KIAA0232: variants seen among roughly 807,000 people sequenced by gnomAD.
KIAA0232 encodes KIAA0232.
A neutral mutation model predicts 122.0 loss-of-function variants in KIAA0232; 27 were observed. The observed-to-expected ratio is 0.22, with a 90% CI of 0.16 to 0.31. The LOEUF is 0.31. Among genes scored for constraint, KIAA0232 ranks in the 10% least tolerant of loss-of-function variants. KIAA0232 has a pLI of 1.00. For synonymous variants in KIAA0232, 613 were observed against 587.6 expected (o/e 1.04, Z -0.63); for missense variants, 1,551 against 1,634.2 (o/e 0.95, Z 0.88).
At chr4:6,805,453 C>T (rs1326925053) in intron 2 of KIAA0232, among the ~76,000 whole-genome samples, 1 of 152,064 alleles carries the variant, frequency 6.6e-6, no homozygotes, top group Non-Finnish European at 1.5e-5. Context: ...TTGCTTCTTA[C>T]CTAAGTCCGT....
chr4:6,786,218 G>C (rs1205971937), intron 1 of KIAA0232, among the ~76,000 whole-genome samples: 1 of 152,170 alleles, frequency 6.6e-6, no homozygotes, highest in African/African-American at 2.4e-5. Context: ...TAAAGTCAAA[G>C]TCTGTAATCA....
intron 2 of KIAA0232, among the ~76,000 whole-genome samples, chr4:6,818,806 G>A (rs1395388038): frequency 2.0e-5 from 3 of 151,866 alleles, no homozygotes; most frequent in Admixed American, 1.3e-4. Context: ...TAGTGGTTTC[G>A]TGTTACCTGA....
Position 6,871,645 on chromosome 4 carries a change from C to T in KIAA0232, c.3873C>T (p.Ala1291=). Residue 1291 remains alanine (A), a synonymous_variant, in exon 8 of 10, where the codon GCC becomes GCT. Coordinates refer to ENST00000307659, the MANE Select transcript of KIAA0232 (RefSeq NM_014743.3). The stretch of plus-strand genomic sequence containing the variant: ...AAAAACAGACCTGGTGGGAAAAAGC[C>T]TTGTACTCTCCTCTTTTTCCTGCAT... The part of the protein sequence containing the change: ...SQEKQTWWEK[A]LYSPLFPASE... 1 of 1,611,622 alleles carries T rather than the reference C, an allele frequency of 6.2e-7. No individual in the cohort carries two copies. Among genetic ancestry groups the T allele is most frequent in the Non-Finnish European group, 8.5e-7 (1 of 1,177,772 alleles).
chr4:6,839,582 G>T (rs948056550), intron 3 of KIAA0232, among the ~76,000 whole-genome samples: 1 of 152,206 alleles, frequency 6.6e-6, no homozygotes, highest in Middle Eastern at 3.2e-3. Flanking sequence ...GGAATAGTGT[G>T]TATAAAGGAA....
At position 6,882,034 on chromosome 4, in the gene KIAA0232, G is replaced by A. The variant is rs926071417; in HGVS notation, c.*1068G>A. On this transcript the variant is annotated 3_prime_UTR_variant, in exon 10 of 10. Transcript: ENST00000307659. ...TCATGAGTTTTCCACATCCCTGTGT[G>A]GTGGTTTTGCTGACTGTCGCTCCGT... 6.6e-6 allele frequency: 1 copy of A among 152,600 alleles called. No homozygotes were observed. Among genetic ancestry groups the A allele is most frequent in the African/African-American group, 2.4e-5 (1 of 41,412 alleles). The allele number at this position is 152,600 out of a possible 1,614,324, so 9.5% of individuals were successfully genotyped here.
chr4:6,799,541 T>C (rs1355060144), intron 1 of KIAA0232, among the ~76,000 whole-genome samples: 2 of 152,036 alleles, frequency 1.3e-5, no homozygotes, highest in Non-Finnish European at 2.9e-5. Flanking sequence ...AAAATTCACG[T>C]CTACTAGAAA....
At chr4:6,871,790 T>G in intron 8 of KIAA0232, 108 bp downstream of exon 8, 8 of 713,414 alleles carry the variant, frequency 1.1e-5, no homozygotes. Flanking sequence ...ACCAAGAGGT[T>G]TCTGTGTGGG....
rs140075612 is a variant in KIAA0232, at chr4:6,819,102, G to A, written c.-269-5083G>A. Among the ~76,000 whole-genome samples the A allele has an allele frequency of 2.0e-5, 3 of 152,192 alleles. No homozygotes were observed. The East Asian group carries it at 5.8e-4, about 29-fold the overall frequency. On this transcript the variant is annotated intron_variant, in intron 2 of 9. Coordinates refer to ENST00000307659, the MANE Select transcript of KIAA0232 (RefSeq NM_014743.3). ...CAACATGGATTATAGATACTTAAATGTAAGACCTCAAACTATAAAAACCCT... is the reference window on the plus strand; with the variant it reads ...CAACATGGATTATAGATACTTAAATATAAGACCTCAAACTATAAAAACCCT...
chr4:6,808,521 A>G (rs1717738291), intron 2 of KIAA0232, among the ~76,000 whole-genome samples: 2 of 149,900 alleles, frequency 1.3e-5, no homozygotes, highest in African/African-American at 2.5e-5. Context: ...GAAGAGTACA[A>G]GTTGCTTTAC....
In KIAA0232 at chr4:6,820,679, T is replaced by C. The variant is rs1718381825; in HGVS notation, c.-269-3506T>C. Reference sequence around the variant, plus strand: ...GCTCTACAATGTTTTGTATTATTTTTGTTTAAGCAATTGTCTTTTAAAGAT... The same window carrying C: ...GCTCTACAATGTTTTGTATTATTTTCGTTTAAGCAATTGTCTTTTAAAGAT... On this transcript the variant is annotated intron_variant, in intron 2 of 9. Coordinates refer to ENST00000307659, the MANE Select transcript of KIAA0232 (RefSeq NM_014743.3). Among the ~76,000 whole-genome samples the C allele has an allele frequency of 1.2e-4, 19 of 152,378 alleles. 1 individual carries two copies. The South Asian group carries it at 3.7e-3, about 30-fold the overall frequency.
intron 1 of KIAA0232, among the ~76,000 whole-genome samples, chr4:6,797,099 T>C (rs193060595): frequency 6.6e-4 from 101 of 152,360 alleles, no homozygotes; most frequent in African/African-American, 2.4e-3. Flanking sequence ...TTTTTTCCTC[T>C]GTATTTTATT....
intron 1 of KIAA0232, among the ~76,000 whole-genome samples, chr4:6,804,011 T>A (rs1221033200): frequency 6.6e-6 from 1 of 152,240 alleles, no homozygotes; most frequent in Non-Finnish European, 1.5e-5. Flanking sequence ...TTTTTGAGAA[T>A]GTTACATGTT....
chr4:6,842,336 A>T (rs1719707471), intron 4 of KIAA0232, 132 bp downstream of exon 4: 1 of 853,860 alleles, frequency 1.2e-6, no homozygotes, highest in South Asian at 1.7e-5. Context: ...TAACATGAAC[A>T]TTACCACTTT....
intron 1 of KIAA0232, among the ~76,000 whole-genome samples, chr4:6,783,350 T>C (rs1307848448): frequency 1.3e-5 from 2 of 152,194 alleles, no homozygotes; most frequent in African/African-American, 2.4e-5. Context: ...CACAATGGGT[T>C]GCCGTTGGCT....
At chr4:6,809,503 C>G (rs1016899007) in intron 2 of KIAA0232, among the ~76,000 whole-genome samples, 1 of 152,144 alleles carries the variant, frequency 6.6e-6, no homozygotes, top group Admixed American at 6.5e-5. Context: ...TGAGTGATTA[C>G]CCTGATCATC....
At chr4:6,872,600 C>T (rs1721551311) in intron 8 of KIAA0232, among the ~76,000 whole-genome samples, 2 of 152,240 alleles carry the variant, frequency 1.3e-5, no homozygotes, top group South Asian at 4.1e-4. Context: ...AGAAGTTCAG[C>T]TTGTCCAGAT....
At position 6,862,168 on chromosome 4, in the gene KIAA0232, T is replaced by G. The variant is rs1176297179; in HGVS notation, c.1786T>G (p.Ser596Ala). ...NLAQFWECCS[S>A]SSGDADGESF... ...GGCTCAGTTTTGGGAGTGCTGTTCA[T>G]CCAGCTCCGGTGATGCTGATGGGGA... is the stretch of plus-strand genomic sequence containing the variant. The change falls in exon 7 of 10, where the codon TCC (serine) becomes GCC (alanine). Residue 596 changes from serine (S) to alanine (A), a missense_variant. Physicochemically the swap from Ser to Ala is moderately conservative, Grantham distance 99. Around this residue, in one of 5 missense-constraint regions of KIAA0232, gnomAD observed 1,108 missense variants for 1,154.8 expected, o/e 0.96. Coordinates refer to ENST00000307659, the MANE Select transcript of KIAA0232 (RefSeq NM_014743.3). 1.2e-6 allele frequency: 2 copies of G among 1,614,146 alleles called. No homozygotes were observed. The highest frequency in any genetic ancestry group is 1.7e-5 in the Admixed American group (1 of 60,014).
rs553761605 is a variant in KIAA0232 at position 6,854,183 on chromosome 4, A to G, written c.370-2981A>G. Among the ~76,000 whole-genome samples, 15 of 152,368 alleles carry G rather than the reference A, an allele frequency of 9.8e-5. No individual in the cohort carries two copies. In the South Asian group the frequency reaches 3.1e-3, roughly 32 times the overall value. ...AATTAAAGACGTACAAAATCTAGAA[A>G]TGACACCAACATTTAAGTGACTAAG... On this transcript the variant is annotated intron_variant, in intron 4 of 9. Coordinates refer to ENST00000307659, the MANE Select transcript of KIAA0232 (RefSeq NM_014743.3).
chr4:6,876,044 T>C (rs980460281), intron 8 of KIAA0232, among the ~76,000 whole-genome samples: 3 of 152,182 alleles, frequency 2.0e-5, no homozygotes, highest in Admixed American at 6.5e-5. Context: ...GCTCGTTGGA[T>C]TTGTTTGATA....
Sources: allele counts gnomAD v4.1 joint callset (sites outside exome capture counted in the v4.1 genomes callset), GRCh38; gene constraint gnomAD v4.1.1; regional missense constraint gnomAD v4.1.1; transcripts MANE v1.5; gene names NCBI Gene and HGNC (gene_info 2026-07-23, HGNC 2026-07-21).